The following SYN2 variants were observed in gnomAD, a reference collection of about 807,000 sequenced individuals.
SYN2 encodes synapsin-2.
SYN2 carries 19 observed loss-of-function variants against 50.9 expected under a neutral mutation model. The observed-to-expected ratio is 0.37, with a 90% confidence interval of 0.26 to 0.55. The LOEUF (loss-of-function observed/expected upper bound fraction) is 0.55, where lower values mean the gene tolerates loss of function less well. Among genes scored for constraint, SYN2 ranks in the 20% least tolerant of loss-of-function variants. The pLI is 0.81. For missense variants in SYN2, 587 were observed against 576.4 expected (o/e 1.02, Z -0.19); for synonymous variants, 255 against 224.9 (o/e 1.13, Z -1.20).
At chr3:12,055,391 A>T (rs1694965669) in intron 1 of SYN2, among the ~76,000 whole-genome samples, 1 of 152,184 alleles carries the variant, frequency 6.6e-6, no homozygotes, top group African/African-American at 2.4e-5. Context: ...TTTTAAATAT[A>T]TTAGACAAGA....
chr3:12,028,021 T>TCTCTCCC (rs1694301307), intron 1 of SYN2, among the ~76,000 whole-genome samples: 2 of 62,100 alleles, frequency 3.2e-5, no homozygotes, highest in Admixed American at 2.0e-4. Flanking sequence ...ATTTTTTCTT[T>TCTCTCCC]CCCTCCCCCC....
intron 1 of SYN2, chr3:12,071,300 T>C (rs1695348987): frequency 3.5e-6 from 2 of 564,378 alleles, no homozygotes; most frequent in South Asian, 2.9e-5. Flanking sequence ...TTCCAGCAGA[T>C]GTGGATTAAC....
At chr3:12,068,957 T>C (rs982240254) in intron 1 of SYN2, among the ~76,000 whole-genome samples, 14 of 152,264 alleles carry the variant, frequency 9.2e-5, no homozygotes, top group Non-Finnish European at 1.0e-4. Context: ...TCACCACTTA[T>C]CTGCTTTCTG....
chr3:12,090,186 C>T (rs963067701), intron 1 of SYN2, among the ~76,000 whole-genome samples: 10 of 152,042 alleles, frequency 6.6e-5, no homozygotes, highest in African/African-American at 2.4e-4. Flanking sequence ...ATCAGCAGCT[C>T]CTTAAGAAAT....
chr3:12,131,926 A>G (rs1359798897), intron 1 of SYN2, among the ~76,000 whole-genome samples: 1 of 152,170 alleles, frequency 6.6e-6, no homozygotes, highest in East Asian at 1.9e-4. Flanking sequence ...AGGCATTCAC[A>G]GAGGTCTTCA....
chr3:12,070,006 C>T (rs1366817165), intron 1 of SYN2, among the ~76,000 whole-genome samples: 2 of 151,832 alleles, frequency 1.3e-5, no homozygotes, highest in African/African-American at 4.8e-5. Context: ...GCAGTGTTGC[C>T]CAGGTTGGTC....
chr3:12,027,576 A>G (rs1266133703), intron 1 of SYN2, among the ~76,000 whole-genome samples: 1 of 152,208 alleles, frequency 6.6e-6, no homozygotes, highest in Admixed American at 6.5e-5. Context: ...GAGTGAGTAT[A>G]TTGACATTAG....
At chr3:12,069,299 A>G (rs1376994383) in intron 1 of SYN2, among the ~76,000 whole-genome samples, 7 of 149,612 alleles carry the variant, frequency 4.7e-5, no homozygotes, top group African/African-American at 1.2e-4. Context: ...CCCAGGCTGG[A>G]GTGCAGTGGC....
chr3:12,044,200 CACACACA>C (rs1694684902), intron 1 of SYN2, among the ~76,000 whole-genome samples: 1 of 150,236 alleles, frequency 6.7e-6, no homozygotes, highest in African/African-American at 2.4e-5. Context: ...CACACACACA[CACACACA>C]CACACACACA....
intron 1 of SYN2, among the ~76,000 whole-genome samples, chr3:12,075,839 G>A (rs1695456657): frequency 6.6e-6 from 1 of 151,920 alleles, no homozygotes; most frequent in Non-Finnish European, 1.5e-5. Context: ...GCCACATGTG[G>A]GATTTTTAAA....
intron 1 of SYN2, among the ~76,000 whole-genome samples, chr3:12,010,679 T>C (rs1693896223): frequency 6.6e-6 from 1 of 152,260 alleles, no homozygotes; most frequent in African/African-American, 2.4e-5. Flanking sequence ...TACTGTATTA[T>C]TTCCGTGGTT....
intron 1 of SYN2, among the ~76,000 whole-genome samples, chr3:12,033,596 A>G (rs192553391): frequency 1.0e-3 from 153 of 152,342 alleles, no homozygotes; most frequent in African/African-American, 3.3e-3. Context: ...TCACAAGATT[A>G]TATAACCACC....
At chr3:12,071,847 C>T (rs1285277422) in intron 1 of SYN2, among the ~76,000 whole-genome samples, 4 of 152,286 alleles carry the variant, frequency 2.6e-5, no homozygotes, top group East Asian at 1.9e-4. Flanking sequence ...GACCCAGTTT[C>T]CTTTCTTAGC....
intron 1 of SYN2, among the ~76,000 whole-genome samples, chr3:12,126,112 T>TA (rs757823510): frequency 7.9e-5 from 12 of 152,342 alleles, no homozygotes; most frequent in Middle Eastern, 6.8e-3. Flanking sequence ...GGAAACTCTC[T>TA]AAAGCACAGA....
chr3:12,089,931 A>G (rs1202930782), intron 1 of SYN2, among the ~76,000 whole-genome samples: 2 of 152,140 alleles, frequency 1.3e-5, no homozygotes, highest in African/African-American at 4.8e-5. Flanking sequence ...CTGGACAGTC[A>G]CTTGTAGTGC....
intron 11 of SYN2, chr3:12,185,574 G>A (rs964109853): frequency 6.1e-6 from 6 of 985,768 alleles, no homozygotes; most frequent in Non-Finnish European, 7.2e-6. Context: ...TGCCATTCAG[G>A]TGTTTTGTAC....
chr3:12,027,514 C>A (rs1354394308), intron 1 of SYN2, among the ~76,000 whole-genome samples: 1 of 152,166 alleles, frequency 6.6e-6, no homozygotes, highest in Non-Finnish European at 1.5e-5. Flanking sequence ...AGCACAGTAC[C>A]TGATCAGTTG....
At chr3:12,106,401 T>A (rs572051967) in intron 1 of SYN2, among the ~76,000 whole-genome samples, 94 of 152,158 alleles carry the variant, frequency 6.2e-4, no homozygotes, top group Non-Finnish European at 1.2e-3. Context: ...AAATCCATTA[T>A]ATTCAACAAT....
At position 12,004,773 on chromosome 3, in the gene SYN2, G is replaced by GCAGCCCGCGCCT. The variant is rs1693755586; in HGVS notation, c.222_223insCAGCCCGCGCCT (p.Gln71_Pro74dup). On this transcript the variant is annotated inframe_insertion, in exon 1 of 13. Coordinates refer to ENST00000621198, the MANE Select transcript of SYN2 (RefSeq NM_133625.6). The stretch of plus-strand genomic sequence containing the variant: ...CGGCGCCCGCGCCGCAGCCCGCGCC[G>GCAGCCCGCGCCT]ACGCCGTCGGTGGGCAGCAGCTTCT... 3 of 369,430 alleles carry GCAGCCCGCGCCT rather than the reference G, an allele frequency of 8.1e-6. No individual in the cohort carries two copies. Among genetic ancestry groups the GCAGCCCGCGCCT allele is most frequent in the African/African-American group, 6.4e-5 (3 of 46,996 alleles). 22.9% of individuals were successfully genotyped at this position (369,430 alleles called of 1,614,324 possible).
Sources: allele counts gnomAD v4.1 joint callset (sites outside exome capture counted in the v4.1 genomes callset), GRCh38; gene constraint gnomAD v4.1.1; transcripts MANE v1.5; gene names NCBI Gene and HGNC (gene_info 2026-07-23, HGNC 2026-07-21).